The following INPP5D variants were observed in gnomAD, a reference collection of about 807,000 sequenced individuals.
INPP5D encodes the protein inositol polyphosphate-5-phosphatase D.
Under a neutral mutation model 122.9 loss-of-function variants are expected in INPP5D, and 33 were observed. The ratio of observed to expected loss-of-function variants is 0.27; its 90% CI spans 0.20 to 0.36. The LOEUF (loss-of-function observed/expected upper bound fraction) is 0.36, where lower values mean the gene tolerates loss of function less well. Among genes scored for constraint, INPP5D ranks in the 10% least tolerant of loss-of-function variants. INPP5D has a pLI of 1.00. For missense variants in INPP5D, 1,053 were observed against 1,412.7 expected (o/e 0.75, Z 4.08); for synonymous variants, 584 against 576.2 (o/e 1.01, Z -0.19).
intron 2 of INPP5D, among the ~76,000 whole-genome samples, chr2:233,110,323 G>A (rs962319223): frequency 6.6e-6 from 1 of 151,952 alleles, no homozygotes; most frequent in African/African-American, 2.4e-5. Flanking sequence ...CCAAAGTGCT[G>A]GGATTACGGG....
rs551758013 is a variant in INPP5D at position 233,088,903 on chromosome 2, C to T, written c.198+9505C>T. 1.5e-3 allele frequency among the ~76,000 whole-genome samples: 223 copies of T among 152,302 alleles called. 1 individual carries two copies. The highest frequency in any genetic ancestry group is 5.1e-3 in the African/African-American group (211 of 41,568). Reference sequence around the variant, plus strand: ...GACAAGTGCCTGGAAATCCTGACTGCCCGATCGGGGCCCAGGCGCGAGGGT... The same window carrying T: ...GACAAGTGCCTGGAAATCCTGACTGTCCGATCGGGGCCCAGGCGCGAGGGT... On this transcript the variant is annotated intron_variant, in intron 2 of 26. Coordinates refer to ENST00000445964, the MANE Select transcript of INPP5D (RefSeq NM_001017915.3).
chr2:233,176,951 T>C (rs533956665), intron 17 of INPP5D, among the ~76,000 whole-genome samples: 1 of 151,930 alleles, frequency 6.6e-6, no homozygotes, highest in South Asian at 2.1e-4. Context: ...GAGCTGAAAA[T>C]ACAGGTGGGG....
intron 5 of INPP5D, among the ~76,000 whole-genome samples, chr2:233,136,660 C>A (rs752939403): frequency 5.3e-5 from 8 of 152,078 alleles, no homozygotes; most frequent in Non-Finnish European, 8.8e-5. Flanking sequence ...CAACTATCTG[C>A]AAGGCACTGT....
chr2:233,165,906 C>G (rs1694322709), intron 13 of INPP5D, among the ~76,000 whole-genome samples: 2 of 151,988 alleles, frequency 1.3e-5, no homozygotes. Context: ...ACACACAGGG[C>G]TCCAGGGCTG....
chr2:233,189,780 T>C lies in INPP5D; in HGVS notation c.2359-70T>C. 1 of 1,576,294 alleles carries C rather than the reference T, an allele frequency of 6.3e-7. No homozygotes were observed. The highest frequency in any genetic ancestry group is 1.4e-5 in the African/African-American group (1 of 73,886). ...AACACCTTTCGTCATCTTCATCCAC[T>C]TGTCCACCCACCTGTCCCCTCACCT... On this transcript the variant is annotated intron_variant, in intron 21 of 26. Transcript: ENST00000445964. The surrounding 1 kb of genome is among the most constrained non-coding windows in gnomAD (Gnocchi z 5.6).
At chr2:233,137,494 T>C (rs1226900496) in intron 5 of INPP5D, among the ~76,000 whole-genome samples, 1 of 150,876 alleles carries the variant, frequency 6.6e-6, no homozygotes, top group East Asian at 1.9e-4. Flanking sequence ...TCTCCCTCTG[T>C]TCCCCAGGCT....
chr2:233,117,824 G>T (rs550687806), intron 2 of INPP5D, among the ~76,000 whole-genome samples: 1 of 152,332 alleles, frequency 6.6e-6, no homozygotes, highest in African/African-American at 2.4e-5. Flanking sequence ...GGGGATGTGA[G>T]TGAGGGCAGC....
At position 233,200,936 on chromosome 2, in the gene INPP5D, G is replaced by T. The variant is rs539981513; in HGVS notation, c.2975+2560G>T. 4.0e-5 allele frequency among the ~76,000 whole-genome samples: 6 copies of T among 151,740 alleles called. No individual in the cohort carries two copies. The East Asian group carries it at 9.7e-4, about 24-fold the overall frequency. The stretch of plus-strand genomic sequence containing the variant: ...AGGTCATGCCACTGCACTTTAGCCT[G>T]GGTGACAGAGCAAGACTCCATCTCA... On this transcript the variant is annotated intron_variant, in intron 25 of 26. Transcript: ENST00000445964.
intron 2 of INPP5D, among the ~76,000 whole-genome samples, chr2:233,112,298 G>A (rs369149915): frequency 2.0e-5 from 3 of 152,052 alleles, no homozygotes; most frequent in Non-Finnish European, 2.9e-5. Context: ...TATTTTATTC[G>A]ATGGATTATA....
At position 233,186,690 on chromosome 2, in the gene INPP5D, T is replaced by C. The variant is rs866941929; in HGVS notation, c.2358+765T>C. ...TTTTTTTCTTTTTCTCTTTCTTTTT[T>C]TTTTTTTTTTTTTTTTTTTTTTTTT... On this transcript the variant is annotated intron_variant, in intron 21 of 26. Coordinates refer to ENST00000445964, the MANE Select transcript of INPP5D (RefSeq NM_001017915.3). Among the ~76,000 whole-genome samples the C allele has an allele frequency of 1.3e-3, 18 of 13,380 alleles. No homozygotes were observed. The Middle Eastern group carries it at 0.043, about 32-fold the overall frequency. 8.8% of individuals were successfully genotyped at this position (13,380 alleles called of 152,430 possible).
chr2:233,118,052 C>A (rs899838136), intron 2 of INPP5D, among the ~76,000 whole-genome samples: 1 of 152,204 alleles, frequency 6.6e-6, no homozygotes, highest in African/African-American at 2.4e-5. Context: ...GGGCACACAG[C>A]TGGGTGGATA....
chr2:233,120,557 C>T (rs1180981085), intron 2 of INPP5D: 1 of 152,340 alleles, frequency 6.6e-6, no homozygotes, highest in Non-Finnish European at 1.5e-5. Flanking sequence ...ATCACAGGCA[C>T]TTAGCAGTTG....
At chr2:233,169,211 A>C in intron 13 of INPP5D, 94 bp from the exon 14 acceptor site, 1 of 1,526,600 alleles carries the variant, frequency 6.6e-7, no homozygotes, top group East Asian at 2.5e-5. Flanking sequence ...CTCCTCACTC[A>C]CTGCCCCTCT....
intron 2 of INPP5D, among the ~76,000 whole-genome samples, chr2:233,097,556 G>A (rs1475664266): frequency 6.6e-6 from 1 of 152,098 alleles, no homozygotes; most frequent in Admixed American, 6.5e-5. Flanking sequence ...TACTGAGTGT[G>A]ATGTAGCTTT....
chr2:233,146,402 G>C lies in INPP5D; in HGVS notation c.870G>C (p.Pro290=). Reference sequence around the variant, plus strand: ...TGCTGCACGAGGGTCCTGAGTCTCCGCACCGGCCCTCCCTTATCCCTCCAG... The same window carrying C: ...TGCTGCACGAGGGTCCTGAGTCTCCCCACCGGCCCTCCCTTATCCCTCCAG... The part of the protein sequence containing the change: ...KALLHEGPES[P]HRPSLIPPVT... The change falls in exon 8 of 27, where the codon CCG becomes CCC. Residue 290 remains proline, a synonymous_variant. Transcript: ENST00000445964. 1.4e-6 allele frequency: 1 copy of C among 704,258 alleles called. No homozygotes were observed. Among genetic ancestry groups the C allele is most frequent in the Non-Finnish European group, 2.6e-6 (1 of 385,002 alleles). 43.6% of individuals were successfully genotyped at this position (704,258 alleles called of 1,614,324 possible).
Position 233,207,077 on chromosome 2 carries a change from G to A in INPP5D, c.*369G>A. On this transcript the variant is annotated 3_prime_UTR_variant, in exon 27 of 27. Coordinates refer to ENST00000445964, the MANE Select transcript of INPP5D (RefSeq NM_001017915.3). The surrounding 1 kb of genome is among the most constrained non-coding windows in gnomAD (Gnocchi z 4.6). The stretch of plus-strand genomic sequence containing the variant: ...ATATTAATAATAATAATGGCCACAT[G>A]GATCGAACACTCATGATGTGCCAAG... 1 of 207,618 alleles carries A rather than the reference G, an allele frequency of 4.8e-6. No individual in the cohort carries two copies. The highest frequency in any genetic ancestry group is 7.3e-5 in the South Asian group (1 of 13,694). The allele number at this position is 207,618 out of a possible 1,614,324, so 12.9% of individuals were successfully genotyped here. A position where few individuals can be genotyped will look rare whatever the true frequency, so the allele number is the denominator to read the frequency against.
Position 233,161,718 on chromosome 2 carries a change from C to G in INPP5D, c.1138-6C>G. On this transcript the variant is annotated splice_region_variant and splice_polypyrimidine_tract_variant and intron_variant, in intron 10 of 26. Coordinates refer to ENST00000445964, the MANE Select transcript of INPP5D (RefSeq NM_001017915.3). Reference sequence around the variant, plus strand: ...TTTCTAAGTCTGTCTGCCCTTCCATCCCTAGAAGAGAGAAGGCTTCTGCCA... The same window carrying G: ...TTTCTAAGTCTGTCTGCCCTTCCATGCCTAGAAGAGAGAAGGCTTCTGCCA... The G allele has an allele frequency of 1.2e-6, 2 of 1,611,328 alleles. No homozygotes were observed. Among genetic ancestry groups the G allele is most frequent in the Non-Finnish European group, 1.7e-6 (2 of 1,178,546 alleles).
Position 233,188,252 on chromosome 2 carries a change from C to T in INPP5D, c.2359-1598C>T, listed in dbSNP as rs1694968536. 6.6e-6 allele frequency among the ~76,000 whole-genome samples: 1 copy of T among 152,136 alleles called. No homozygotes were observed. The highest frequency in any genetic ancestry group is 2.1e-4 in the South Asian group (1 of 4,832). On this transcript the variant is annotated intron_variant, in intron 21 of 26. Coordinates refer to ENST00000445964, the MANE Select transcript of INPP5D (RefSeq NM_001017915.3). This position sits in a 1 kb window ranked among gnomAD's most constrained non-coding sequence, Gnocchi z 4.7. ...CCTGCTCCCTGACCCCCGCCCCACC[C>T]CTGTTGCCTGGCGGCCTCCTCTGTT...
chr2:233,161,583 CAT>C lies in INPP5D; in HGVS notation c.1138-140_1138-139del, dbSNP rs1180440402. Reference sequence around the variant, plus strand: ...AGCCACTCGCTTATGACTTTGGACACATGTTTCCAGGTTGCTGTCCTGGAAGT... The same window carrying C: ...AGCCACTCGCTTATGACTTTGGACACGTTTCCAGGTTGCTGTCCTGGAAGT... On this transcript the variant is annotated intron_variant, in intron 10 of 26. Transcript: ENST00000445964. 57 of 1,206,470 alleles carry C rather than the reference CAT, an allele frequency of 4.7e-5. No homozygotes were observed. The Admixed American group carries it at 1.7e-3, about 35-fold the overall frequency. 74.7% of individuals were successfully genotyped at this position (1,206,470 alleles called of 1,614,324 possible).
Sources: gnomAD v4.1 joint callset for allele counts (sites outside exome capture counted in the v4.1 genomes callset) on GRCh38, gnomAD v4.1.1 for gene constraint, Gnocchi (gnomAD v3.1) non-coding constraint, MANE v1.5 for transcripts, NCBI Gene and HGNC (gene_info 2026-07-23, HGNC 2026-07-21) for gene names.